The following SERPINB11 variants were observed in gnomAD, a reference collection of about 807,000 sequenced individuals.
SERPINB11 encodes serpin family B member 11, also known as serpin B11.
Under a neutral mutation model 36.7 loss-of-function variants are expected in SERPINB11, and 32 were observed. The ratio of observed to expected loss-of-function variants is 0.87; its 90% CI spans 0.66 to 1.17. The LOEUF is 1.17. SERPINB11 is among the 50% of genes most tolerant of loss of function. The pLI is 0.00. For synonymous variants in SERPINB11, 174 were observed against 168.1 expected (o/e 1.04, Z -0.27); for missense variants, 528 against 458.4 (o/e 1.15, Z -1.39).
At chr18:63,706,205 T>A (rs1177721875) in intron 1 of SERPINB11, among the ~76,000 whole-genome samples, 1 of 152,210 alleles carries the variant, frequency 6.6e-6, no homozygotes, top group Non-Finnish European at 1.5e-5. Context: ...TGGTTTTGAT[T>A]ACAGGATTTG....
rs370751317 is a variant in SERPINB11, at chr18:63,712,526, G to A, written c.229-39G>A. ...ATCATTCTCCAATGGCAAAAATCAA[G>A]CAATTTAATACATCATTCTTTGTTT... On this transcript the variant is annotated intron_variant, in intron 3 of 7. Transcript: ENST00000544088. 148 of 1,608,654 alleles carry A rather than the reference G, an allele frequency of 9.2e-5. 1 individual carries two copies. The South Asian group carries it at 1.5e-3, about 16-fold the overall frequency.
intron 6 of SERPINB11, 36 bp downstream of exon 6, chr18:63,720,191 G>T: frequency 6.5e-7 from 1 of 1,547,910 alleles, no homozygotes; most frequent in Non-Finnish European, 8.9e-7. Context: ...GACAAATGTT[G>T]GAGGATACAA....
intron 3 of SERPINB11, among the ~76,000 whole-genome samples, chr18:63,712,350 C>G (rs1311416380): frequency 6.6e-6 from 1 of 152,208 alleles, no homozygotes; most frequent in Non-Finnish European, 1.5e-5. Context: ...TATGCAGTAA[C>G]TTACAATTCT....
At chr18:63,703,215 C>G (rs1436984080) in intron 1 of SERPINB11, among the ~76,000 whole-genome samples, 3 of 152,148 alleles carry the variant, frequency 2.0e-5, no homozygotes, top group Non-Finnish European at 2.9e-5. Context: ...ATTTAAAAAT[C>G]TTTGAGGCAG....
At chr18:63,722,531 A>T (rs1312478461) in intron 7 of SERPINB11, among the ~76,000 whole-genome samples, 2 of 152,174 alleles carry the variant, frequency 1.3e-5, no homozygotes, top group African/African-American at 2.4e-5. Flanking sequence ...AGAAACAGTG[A>T]CAGAGAAGGG....
intron 4 of SERPINB11, among the ~76,000 whole-genome samples, chr18:63,713,267 A>T (rs1184554615): frequency 1.3e-5 from 2 of 152,200 alleles, no homozygotes; most frequent in Non-Finnish European, 2.9e-5. Context: ...CATTACAAGC[A>T]TTATCTCCTA....
intron 5 of SERPINB11, among the ~76,000 whole-genome samples, chr18:63,717,369 T>C (rs1182143910): frequency 6.6e-6 from 1 of 152,100 alleles, no homozygotes; most frequent in African/African-American, 2.4e-5. Flanking sequence ...CACATATGTA[T>C]GCACTTTTAT....
chr18:63,711,184 G>A lies in SERPINB11; in HGVS notation c.169-151G>A, dbSNP rs921799405. On this transcript the variant is annotated intron_variant, in intron 2 of 7. Transcript: ENST00000544088. ...GGGAAGGTTAAATAAGATATGTAAA[G>A]ACTTAGTTCAGGACTTGGAACACAT... is the stretch of plus-strand genomic sequence containing the variant. 5.1e-5 allele frequency: 33 copies of A among 646,440 alleles called. No individual in the cohort carries two copies. In the African/African-American group the frequency reaches 5.5e-4, roughly 11 times the overall value. 40.0% of individuals were successfully genotyped at this position (646,440 alleles called of 1,614,324 possible).
rs758480107 is a variant in SERPINB11, at chr18:63,710,204, T to C, written c.11T>C (p.Leu4Pro). Residue 4 changes from leucine to proline, a missense_variant, in exon 2 of 8, where the codon CTC becomes CCC. Physicochemically the swap from Leu to Pro is moderately conservative, Grantham distance 98. Coordinates refer to ENST00000544088, the MANE Select transcript of SERPINB11 (RefSeq NM_001370475.1). Reference protein sequence around the residue: MGSLSTANVEFCLD... With the variant: MGSPSTANVEFCLD... ...GCAGTCGGCATAAAAATGGGTTCTC[T>C]CAGCACAGCTAACGTTGAATTTTGC... 5 of 1,609,430 alleles carry C rather than the reference T, an allele frequency of 3.1e-6. No individual in the cohort carries two copies. Among genetic ancestry groups the C allele is most frequent in the Non-Finnish European group, 4.2e-6 (5 of 1,178,112 alleles).
intron 5 of SERPINB11, 143 bp downstream of exon 5, chr18:63,716,295 T>C: frequency 1.9e-6 from 1 of 512,926 alleles, no homozygotes; most frequent in South Asian, 3.3e-5. Context: ...TATTTTGGAA[T>C]ACCCCTTACA....
chr18:63,704,864 G>A (rs1452884075), intron 1 of SERPINB11, among the ~76,000 whole-genome samples: 1 of 152,160 alleles, frequency 6.6e-6, no homozygotes, highest in African/African-American at 2.4e-5. Flanking sequence ...GGGAGTAGGT[G>A]TGCTGATATT....
At chr18:63,710,106 A>G in intron 1 of SERPINB11, 73 bp from the exon 2 acceptor site, 1 of 1,240,692 alleles carries the variant, frequency 8.1e-7, no homozygotes, top group Non-Finnish European at 1.1e-6. Flanking sequence ...CTCATGAAAT[A>G]CAATAACTGA....
chr18:63,716,563 A>G (rs1195165255), intron 5 of SERPINB11, among the ~76,000 whole-genome samples: 1 of 152,124 alleles, frequency 6.6e-6, no homozygotes, highest in Non-Finnish European at 1.5e-5. Flanking sequence ...AACATTTCTC[A>G]CTAATGGCTG....
intron 1 of SERPINB11, among the ~76,000 whole-genome samples, chr18:63,709,061 G>A (rs571669470): frequency 3.9e-5 from 6 of 152,160 alleles, no homozygotes; most frequent in Non-Finnish European, 2.9e-5. Context: ...TACAGTTAGC[G>A]GTGCTCAAAC....
At chr18:63,709,234 A>G (rs577807039) in intron 1 of SERPINB11, among the ~76,000 whole-genome samples, 17 of 152,196 alleles carry the variant, frequency 1.1e-4, no homozygotes, top group African/African-American at 3.9e-4. Flanking sequence ...ATCTCTGACC[A>G]CTTTCTTATG....
chr18:63,704,834 A>C (rs907460467), intron 1 of SERPINB11, among the ~76,000 whole-genome samples: 10 of 152,170 alleles, frequency 6.6e-5, no homozygotes, highest in Non-Finnish European at 8.8e-5. Context: ...TTACAAAGAA[A>C]TTCTCACACA....
intron 5 of SERPINB11, among the ~76,000 whole-genome samples, chr18:63,716,857 C>G (rs1186776170): frequency 6.6e-6 from 1 of 151,766 alleles, no homozygotes; most frequent in African/African-American, 2.4e-5. Flanking sequence ...GTTAATACAT[C>G]CCTTAAATCT....
intron 1 of SERPINB11, among the ~76,000 whole-genome samples, chr18:63,708,393 A>G (rs1286013964): frequency 6.6e-6 from 1 of 152,242 alleles, no homozygotes; most frequent in Non-Finnish European, 1.5e-5. Flanking sequence ...AGCACCGTTC[A>G]TGCTGTTAAA....
chr18:63,711,316 C>T lies in SERPINB11; in HGVS notation c.169-19C>T, dbSNP rs1009918152. The T allele has an allele frequency of 2.5e-6, 4 of 1,585,298 alleles. No homozygotes were observed. The highest frequency in any genetic ancestry group is 2.6e-6 in the Non-Finnish European group (3 of 1,156,454). On this transcript the variant is annotated intron_variant, in intron 2 of 7. Coordinates refer to ENST00000544088, the MANE Select transcript of SERPINB11 (RefSeq NM_001370475.1). ...ACATTGCTTCTGATGCCAAAAGATC[C>T]CTTTTTTTTCTTTTCTAGGTGCTTC...
Sources: gnomAD v4.1 joint callset for allele counts (sites outside exome capture counted in the v4.1 genomes callset) on GRCh38, gnomAD v4.1.1 for gene constraint, MANE v1.5 for transcripts, NCBI Gene and HGNC (gene_info 2026-07-23, HGNC 2026-07-21) for gene names.